The following ARHGAP15 variants were observed in gnomAD, a reference collection of about 807,000 sequenced individuals.
The protein encoded by ARHGAP15 is rho GTPase-activating protein 15.
A neutral mutation model predicts 63.7 loss-of-function variants in ARHGAP15; 51 were observed. The observed-to-expected ratio is 0.80, with a 90% CI of 0.64 to 1.01. The LOEUF is 1.01. Ranked by LOEUF, ARHGAP15 falls within the 50% of genes least tolerant of loss-of-function variation. ARHGAP15 has a pLI of 0.00. For missense variants in ARHGAP15, 560 were observed against 564.6 expected (o/e 0.99, Z 0.08); for synonymous variants, 191 against 193.8 (o/e 0.99, Z 0.12).
rs147762544 is a variant in ARHGAP15, at chr2:143,757,746, G to T, written c.1245-10243G>T. Among the ~76,000 whole-genome samples the T allele has an allele frequency of 4.4e-3, 673 of 152,070 alleles. 4 individuals are homozygous for T. Among genetic ancestry groups the T allele is most frequent in the Non-Finnish European group, 6.5e-3 (441 of 67,966 alleles). On this transcript the variant is annotated intron_variant, in intron 13 of 13. Transcript: ENST00000295095. ...TTCACACAACAAAAATATTTACAAT[G>T]AATTAGATGATATGCTTTTAAAATC...
rs1688775206 is a variant in ARHGAP15 at position 143,418,378 on chromosome 2, A to G, written c.475-17223A>G. On this transcript the variant is annotated intron_variant, in intron 6 of 13. Transcript: ENST00000295095. ...AATTCCATTTCAAATACCTAAGGCT[A>G]AGTGTAAATATTCAAATGAAACTGT... Among the ~76,000 whole-genome samples the G allele has an allele frequency of 3.3e-5, 5 of 152,312 alleles. No homozygotes were observed. In the South Asian group the frequency reaches 1.0e-3, roughly 32 times the overall value.
chr2:143,591,139 G>T (rs1697305282), intron 11 of ARHGAP15, among the ~76,000 whole-genome samples: 1 of 152,078 alleles, frequency 6.6e-6, no homozygotes, highest in South Asian at 2.1e-4. Flanking sequence ...TATATATATT[G>T]TAAATTTCCA....
At chr2:143,601,726 C>G (rs1353617584) in intron 11 of ARHGAP15, 1 of 152,134 alleles carries the variant, frequency 6.6e-6, no homozygotes, top group African/African-American at 2.4e-5. Context: ...GGGTGTCTCA[C>G]TTAAAATAAG....
intron 8 of ARHGAP15, among the ~76,000 whole-genome samples, chr2:143,462,333 A>G (rs1690984040): frequency 6.6e-6 from 1 of 152,210 alleles, no homozygotes; most frequent in Non-Finnish European, 1.5e-5. Context: ...CAAAAATGAC[A>G]GCTTACAGTT....
chr2:143,542,028 G>A (rs1017703717), intron 10 of ARHGAP15, among the ~76,000 whole-genome samples: 1 of 152,226 alleles, frequency 6.6e-6, no homozygotes, highest in African/African-American at 2.4e-5. Flanking sequence ...GCTCCACCCA[G>A]TTCGAGGTTC....
chr2:143,548,399 G>T (rs1469608043), intron 10 of ARHGAP15, among the ~76,000 whole-genome samples: 1 of 150,732 alleles, frequency 6.6e-6, no homozygotes. Flanking sequence ...GTGCTCTTTC[G>T]AGGTATTTAA....
intron 8 of ARHGAP15, among the ~76,000 whole-genome samples, chr2:143,448,628 A>G (rs1047966464): frequency 1.3e-5 from 2 of 152,112 alleles, no homozygotes; most frequent in Admixed American, 1.3e-4. Context: ...CCAAATACCC[A>G]TTGCCTCTGT....
At chr2:143,291,093 T>G (rs1040680984) in intron 6 of ARHGAP15, among the ~76,000 whole-genome samples, 3 of 152,120 alleles carry the variant, frequency 2.0e-5, no homozygotes, top group African/African-American at 7.2e-5. Context: ...TATAGATTTT[T>G]AAGAGAATTA....
At chr2:143,720,636 C>A (rs1045037491) in intron 13 of ARHGAP15, among the ~76,000 whole-genome samples, 2 of 152,094 alleles carry the variant, frequency 1.3e-5, no homozygotes, top group African/African-American at 2.4e-5. Flanking sequence ...AAGTGGTGGA[C>A]AATAGGAACT....
chr2:143,611,403 C>T (rs1224079523), intron 11 of ARHGAP15, among the ~76,000 whole-genome samples: 3 of 152,080 alleles, frequency 2.0e-5, no homozygotes, highest in Admixed American at 6.5e-5. Flanking sequence ...TGTATGAATT[C>T]GAGCAAGTTA....
chr2:143,276,780 CAG>C (rs1240208792), intron 6 of ARHGAP15, among the ~76,000 whole-genome samples: 4 of 152,122 alleles, frequency 2.6e-5, no homozygotes, highest in Non-Finnish European at 5.9e-5. Context: ...GCCTTGGTGA[CAG>C]AGTAAGATTT....
intron 6 of ARHGAP15, among the ~76,000 whole-genome samples, chr2:143,253,288 A>AGG (rs1359285568): frequency 1.3e-5 from 2 of 148,492 alleles, no homozygotes; most frequent in Non-Finnish European, 3.0e-5. Flanking sequence ...ATGAATAGGA[A>AGG]AACAAACAAA....
At chr2:143,551,577 A>G (rs1380075154) in intron 10 of ARHGAP15, among the ~76,000 whole-genome samples, 3 of 152,132 alleles carry the variant, frequency 2.0e-5, no homozygotes, top group Non-Finnish European at 4.4e-5. Flanking sequence ...TTTTTTAACC[A>G]TGGAAATATA....
chr2:143,655,815 C>T (rs145508563), intron 12 of ARHGAP15, among the ~76,000 whole-genome samples: 2 of 152,008 alleles, frequency 1.3e-5, no homozygotes, highest in African/African-American at 4.8e-5. Context: ...GGTTGCCCCA[C>T]CTTAACAAGT....
At position 143,650,069 on chromosome 2, in the gene ARHGAP15, C is replaced by T. The variant is rs531653450; in HGVS notation, c.1138+25802C>T. 7.4e-4 allele frequency among the ~76,000 whole-genome samples: 112 copies of T among 151,482 alleles called. 1 individual carries two copies. Among genetic ancestry groups the T allele is most frequent in the African/African-American group, 2.5e-3 (104 of 41,362 alleles). ...AGGTTTTTTTTCTTCTTTTAAATTC[C>T]GTCAGTAAACTAAGTAGTCAATTTT... On this transcript the variant is annotated intron_variant, in intron 12 of 13. Transcript: ENST00000295095.
intron 6 of ARHGAP15, among the ~76,000 whole-genome samples, chr2:143,432,268 C>T (rs1425730339): frequency 1.3e-5 from 2 of 151,978 alleles, no homozygotes; most frequent in African/African-American, 4.8e-5. Flanking sequence ...CCATTCTACA[C>T]ATTAATTTCT....
chr2:143,339,701 C>T (rs1684968387), intron 6 of ARHGAP15, among the ~76,000 whole-genome samples: 1 of 152,108 alleles, frequency 6.6e-6, no homozygotes, highest in Admixed American at 6.6e-5. Context: ...CTTGCTTCTC[C>T]ACGGTGCCTA....
chr2:143,641,217 T>G (rs1357040690), intron 12 of ARHGAP15: 5 of 152,092 alleles, frequency 3.3e-5, no homozygotes, highest in Non-Finnish European at 7.4e-5. Flanking sequence ...GCATACTTGC[T>G]TAGCGGTGGG....
chr2:143,764,321 G>T (rs1333749376), intron 13 of ARHGAP15, among the ~76,000 whole-genome samples: 1 of 152,096 alleles, frequency 6.6e-6, no homozygotes, highest in African/African-American at 2.4e-5. Context: ...GCAGGCACAT[G>T]GCTTTCCCCA....
Sources: allele counts gnomAD v4.1 joint callset (sites outside exome capture counted in the v4.1 genomes callset), GRCh38; gene constraint gnomAD v4.1.1; transcripts MANE v1.5; gene names NCBI Gene and HGNC (gene_info 2026-07-23, HGNC 2026-07-21).